The following TXNDC16 variants were observed in gnomAD, a reference collection of about 807,000 sequenced individuals.
The protein encoded by TXNDC16 is thioredoxin domain containing 16, also known as thioredoxin domain-containing protein 16.
Under a neutral mutation model 85.6 loss-of-function variants are expected in TXNDC16, and 74 were observed. That is an observed-to-expected ratio of 0.86 (90% CI 0.72 to 1.05). The LOEUF (loss-of-function observed/expected upper bound fraction) is 1.05, where lower values mean the gene tolerates loss of function less well. TXNDC16 is among the 50% of genes least tolerant of loss of function. The pLI is 0.00. For missense variants in TXNDC16, 959 were observed against 947.0 expected, an observed-to-expected ratio of 1.01 and a Z score of -0.17; for synonymous variants, 335 against 326.5, an observed-to-expected ratio of 1.03 and a Z score of -0.28.
chr14:52,502,825 C>A (rs1566564294), intron 9 of TXNDC16, among the ~76,000 whole-genome samples: 1 of 152,186 alleles, frequency 6.6e-6, no homozygotes, highest in Non-Finnish European at 1.5e-5. Flanking sequence ...CCTTTCCTAG[C>A]CAAGAAAAGG....
chr14:52,490,211 C>T (rs1379002159), intron 11 of TXNDC16, among the ~76,000 whole-genome samples, 180 bp downstream of exon 11: 1 of 152,152 alleles, frequency 6.6e-6, no homozygotes, highest in African/African-American at 2.4e-5. Flanking sequence ...CATACGTGAA[C>T]ATAGGATACA....
At position 52,511,293 on chromosome 14, in the gene TXNDC16, A is replaced by G. The variant is rs1180467118; in HGVS notation, c.703T>C (p.Leu235=). 2 of 1,607,400 alleles carry G rather than the reference A, an allele frequency of 1.2e-6. No homozygotes were observed. The highest frequency in any genetic ancestry group is 2.2e-5 in the East Asian group (1 of 44,748). Residue 235 remains leucine, a synonymous_variant, in exon 9 of 21, where the codon TTG becomes CTG. Transcript: ENST00000281741. ...QCRRTLMEQP[L]TTLNIHLFIK... is the part of the protein sequence containing the mutation. ...AACAGGTGAATGTTCAGTGTAGTCA[A>G]TGGCTGTTCCATTAGTGTTCTTCTA...
chr14:52,474,846 A>G (rs1198498278), intron 14 of TXNDC16, among the ~76,000 whole-genome samples: 1 of 152,218 alleles, frequency 6.6e-6, no homozygotes, highest in Admixed American at 6.5e-5. Flanking sequence ...GGGGACAGAC[A>G]GAACAGCGTG....
At chr14:52,476,428 G>GA (rs1027340452) in intron 14 of TXNDC16, among the ~76,000 whole-genome samples, 12 of 151,462 alleles carry the variant, frequency 7.9e-5, no homozygotes, top group African/African-American at 2.9e-4. Flanking sequence ...TAAGGAAACT[G>GA]AAAAAAAATT....
intron 9 of TXNDC16, among the ~76,000 whole-genome samples, chr14:52,502,167 C>T (rs1364631924): frequency 6.6e-6 from 1 of 152,210 alleles, no homozygotes; most frequent in Non-Finnish European, 1.5e-5. Context: ...TGGTTTTATG[C>T]TACTGGTCAT....
intron 9 of TXNDC16, among the ~76,000 whole-genome samples, chr14:52,507,702 G>T (rs2036845415): frequency 6.6e-6 from 1 of 152,132 alleles, no homozygotes; most frequent in Non-Finnish European, 1.5e-5. Context: ...CATGGTACTG[G>T]TACCAAAACA....
At chr14:52,516,888 T>C (rs919011603) in intron 7 of TXNDC16, among the ~76,000 whole-genome samples, 1 of 152,116 alleles carries the variant, frequency 6.6e-6, no homozygotes, top group Non-Finnish European at 1.5e-5. Context: ...TCACTCTCTC[T>C]AGTACTACTC....
At chr14:52,551,807 C>T (rs2038057226) in intron 1 of TXNDC16, among the ~76,000 whole-genome samples, 1 of 152,024 alleles carries the variant, frequency 6.6e-6, no homozygotes, top group African/African-American at 2.4e-5. Context: ...AGGTCCAAGG[C>T]TTCGATACAT....
intron 19 of TXNDC16, 126 bp downstream of exon 19, chr14:52,440,438 T>C: frequency 4.5e-6 from 3 of 666,162 alleles, no homozygotes; most frequent in Non-Finnish European, 2.2e-6. Context: ...TACTAAAATA[T>C]CATGGTGACA....
chr14:52,489,089 C>A (rs1334949155), intron 11 of TXNDC16, among the ~76,000 whole-genome samples: 1 of 152,108 alleles, frequency 6.6e-6, no homozygotes, highest in South Asian at 2.1e-4. Context: ...ATACCAAGTT[C>A]TACCTCTTTA....
intron 6 of TXNDC16, among the ~76,000 whole-genome samples, chr14:52,533,396 G>A (rs1257744802): frequency 1.3e-5 from 2 of 152,140 alleles, no homozygotes; most frequent in Non-Finnish European, 1.5e-5. Flanking sequence ...CCCCTTTGCT[G>A]TATCTACTCT....
intron 6 of TXNDC16, among the ~76,000 whole-genome samples, chr14:52,527,651 A>T (rs1429849310): frequency 6.6e-6 from 1 of 151,932 alleles, no homozygotes; most frequent in Admixed American, 6.6e-5. Flanking sequence ...TAAGCATCTG[A>T]CTCTTGCCTT....
chr14:52,473,548 C>CT (rs2035954868), intron 14 of TXNDC16, among the ~76,000 whole-genome samples: 1 of 152,072 alleles, frequency 6.6e-6, no homozygotes, highest in Admixed American at 6.6e-5. Flanking sequence ...TGATATATAT[C>CT]ACTAAAAGTT....
At chr14:52,470,752 T>C in intron 14 of TXNDC16, 72 bp from the exon 15 acceptor site, 1 of 1,399,442 alleles carries the variant, frequency 7.1e-7, no homozygotes, top group Non-Finnish European at 9.7e-7. Flanking sequence ...TCTTCAGTAT[T>C]TTTCTATCCC....
At chr14:52,477,430 C>G (rs1041958430) in intron 14 of TXNDC16, among the ~76,000 whole-genome samples, 1 of 152,130 alleles carries the variant, frequency 6.6e-6, no homozygotes, top group Non-Finnish European at 1.5e-5. Flanking sequence ...TCAAGAGACA[C>G]ACCTAACACA....
chr14:52,491,640 G>C (rs1357043454), intron 9 of TXNDC16, among the ~76,000 whole-genome samples: 1 of 151,944 alleles, frequency 6.6e-6, no homozygotes, highest in Non-Finnish European at 1.5e-5. Flanking sequence ...AATATTTCAA[G>C]GGAAATAGAT....
At chr14:52,507,373 C>A (rs369793675) in intron 9 of TXNDC16, among the ~76,000 whole-genome samples, 1,764 of 152,004 alleles carry the variant, frequency 0.012, 14 homozygotes, top group Non-Finnish European at 0.02. Flanking sequence ...TGAAGGACCT[C>A]TTCAAGGAGA....
At chr14:52,441,410 A>T (rs950100623) in intron 18 of TXNDC16, among the ~76,000 whole-genome samples, 2 of 152,134 alleles carry the variant, frequency 1.3e-5, no homozygotes, top group Non-Finnish European at 2.9e-5. Context: ...GGAGTTCGAG[A>T]CCAGCCTCAC....
At chr14:52,472,486 G>A (rs934331171) in intron 14 of TXNDC16, among the ~76,000 whole-genome samples, 4 of 152,174 alleles carry the variant, frequency 2.6e-5, no homozygotes, top group African/African-American at 9.6e-5. Context: ...GTGAGCCACC[G>A]CGCCCGGCCT....
Sources: allele counts gnomAD v4.1 joint callset (sites outside exome capture counted in the v4.1 genomes callset), GRCh38; gene constraint gnomAD v4.1.1; transcripts MANE v1.5; gene names NCBI Gene and HGNC (gene_info 2026-07-23, HGNC 2026-07-21).